Variants in BSX observed in about 807,000 individuals in gnomAD.
BSX encodes brain-specific homeobox protein homolog.
In BSX, 12 loss-of-function variants were observed where a neutral mutation model predicts 16.9. That is an observed-to-expected ratio of 0.71 (90% CI 0.46 to 1.15). The LOEUF is 1.15. Ranked by LOEUF, BSX falls within the 50% of genes most tolerant of loss-of-function variation. The probability of loss-of-function intolerance (pLI) is 0.00; values close to 1 mark genes in which losing one functional copy is unlikely to be tolerated. For synonymous variants in BSX, 160 were observed against 136.4 expected, an observed-to-expected ratio of 1.17 and a Z score of -1.20; for missense variants, 292 against 311.8, an observed-to-expected ratio of 0.94 and a Z score of 0.48.
In BSX at chr11:122,981,596, G is replaced by A. The variant is rs377550796; in HGVS notation, c.76C>T (p.Leu26=). 2 of 1,598,468 alleles carry A rather than the reference G, an allele frequency of 1.3e-6. No homozygotes were observed. The highest frequency in any genetic ancestry group is 1.7e-6 in the Non-Finnish European group (2 of 1,172,906). The change falls in exon 1 of 3, where the codon CTG becomes TTG. Residue 26 remains leucine (L), a synonymous_variant. Transcript: ENST00000343035. ...CTCAGCGGCTTGGGCTTGTGCAGCA[G>A]GATGTCCTCGATGAAGAAGGATGTG... ...RPTSFFIEDI[L]LHKPKPLREV...
At chr11:122,978,066 C>T (rs1864520369) in intron 2 of BSX, among the ~76,000 whole-genome samples, 175 bp from the exon 3 acceptor site, 1 of 152,186 alleles carries the variant, frequency 6.6e-6, no homozygotes, top group African/African-American at 2.4e-5. Flanking sequence ...CTGAGGCTTT[C>T]AGGAGTAACT....
intron 1 of BSX, among the ~76,000 whole-genome samples, chr11:122,979,872 C>G (rs1864547729): frequency 6.6e-6 from 1 of 152,092 alleles, no homozygotes; most frequent in African/African-American, 2.4e-5. Flanking sequence ...GTCCCCAGCC[C>G]CCACCTATCC....
chr11:122,981,754 G>C lies in BSX; in HGVS notation c.-83C>G, dbSNP rs979537257. On this transcript the variant is annotated 5_prime_UTR_variant, in exon 1 of 3. Transcript: ENST00000343035. The stretch of plus-strand genomic sequence containing the variant: ...GAGTCTCCAAGCCTGCTCGAAAGCC[G>C]GCAACCACCCTCCGAGGCTCGAATC... The C allele has an allele frequency of 7.3e-7, 1 of 1,378,202 alleles. No individual in the cohort carries two copies. The highest frequency in any genetic ancestry group is 1.4e-5 in the African/African-American group (1 of 69,384). 85.4% of individuals were successfully genotyped at this position (1,378,202 alleles called of 1,614,324 possible). A position where few individuals can be genotyped will look rare whatever the true frequency, so the allele number is the denominator to read the frequency against.
At chr11:122,978,707 C>T (rs1251723108) in intron 2 of BSX, among the ~76,000 whole-genome samples, 2 of 151,644 alleles carry the variant, frequency 1.3e-5, no homozygotes, top group African/African-American at 4.9e-5. Flanking sequence ...GTGTTTCCTT[C>T]CTGTCCAGAG....
At chr11:122,978,394 G>T (rs778458169) in intron 2 of BSX, among the ~76,000 whole-genome samples, 11 of 152,170 alleles carry the variant, frequency 7.2e-5, no homozygotes, top group Non-Finnish European at 1.6e-4. Context: ...CAGGTGAATA[G>T]CGCCTAGAGG....
At chr11:122,980,530 C>T (rs542183207) in intron 1 of BSX, among the ~76,000 whole-genome samples, 2 of 152,128 alleles carry the variant, frequency 1.3e-5, no homozygotes, top group Non-Finnish European at 2.9e-5. Flanking sequence ...CTCCACCGAC[C>T]ATGGTTGTTG....
rs761594912 is a variant in BSX, at chr11:122,977,768, C to T, written c.583G>A (p.Ala195Thr). 2 of 1,612,600 alleles carry T rather than the reference C, an allele frequency of 1.2e-6. No individual in the cohort carries two copies. The highest frequency in any genetic ancestry group is 1.7e-5 in the Admixed American group (1 of 59,976). The change falls in exon 3 of 3, where the codon GCC becomes ACC. Residue 195 changes from alanine (A) to threonine (T), a missense_variant. Around this residue, in one of 3 missense-constraint regions of BSX, gnomAD observed 107 missense variants for 97.1 expected, o/e 1.10. Coordinates refer to ENST00000343035, the MANE Select transcript of BSX (RefSeq NM_001098169.2). The surrounding 1 kb of genome is among the most constrained non-coding windows in gnomAD (Gnocchi z 4.5). ...PEGSPRGSEA[A>T]TAAEARLSLP... The stretch of plus-strand genomic sequence containing the variant: ...CTCAGCCGAGCCTCGGCGGCGGTGG[C>T]GGCCTCTGAACCGCGGGGGCTGCCC...
At chr11:122,978,416 C>T (rs1255609866) in intron 2 of BSX, among the ~76,000 whole-genome samples, 1 of 152,122 alleles carries the variant, frequency 6.6e-6, no homozygotes, top group African/African-American at 2.4e-5. Context: ...AGATAAAAAC[C>T]TTTCTTCCAC....
At chr11:122,978,548 C>G (rs1045892911) in intron 2 of BSX, among the ~76,000 whole-genome samples, 6 of 152,072 alleles carry the variant, frequency 3.9e-5, no homozygotes, top group Non-Finnish European at 8.8e-5. Context: ...GAAAAAATCT[C>G]CTTGTGTGGG....
In BSX at chr11:122,981,744, C is replaced by T. The variant is rs1864576214; in HGVS notation, c.-73G>A. On this transcript the variant is annotated 5_prime_UTR_variant, in exon 1 of 3. Coordinates refer to ENST00000343035, the MANE Select transcript of BSX (RefSeq NM_001098169.2). ...GACGCAGGCAGAGTCTCCAAGCCTG[C>T]TCGAAAGCCGGCAACCACCCTCCGA... is the stretch of plus-strand genomic sequence containing the variant. 3 of 1,438,982 alleles carry T rather than the reference C, an allele frequency of 2.1e-6. No individual in the cohort carries two copies. Among genetic ancestry groups the T allele is most frequent in the Admixed American group, 4.7e-5 (2 of 42,620 alleles). 89.1% of individuals were successfully genotyped at this position (1,438,982 alleles called of 1,614,324 possible). A position where few individuals can be genotyped will look rare whatever the true frequency, so the allele number is the denominator to read the frequency against.
At chr11:122,979,542 C>G in intron 1 of BSX, 85 bp from the exon 2 acceptor site, 1 of 1,225,980 alleles carries the variant, frequency 8.2e-7, no homozygotes, top group Non-Finnish European at 1.1e-6. Flanking sequence ...TCCCCTAGCC[C>G]CCAGTGCCTT....
intron 1 of BSX, among the ~76,000 whole-genome samples, chr11:122,981,124 C>T (rs1565348471): frequency 6.6e-6 from 1 of 152,174 alleles, no homozygotes; most frequent in Non-Finnish European, 1.5e-5. Flanking sequence ...TGAGCACTGC[C>T]TACCAAGAGT....
In BSX at chr11:122,979,416, C is replaced by A. The variant is rs759781325; in HGVS notation, c.304G>T (p.Glu102Ter). Reference protein sequence around the residue: ...PALFPHPQHAELPGKHCRRRK... With the variant: ...PALFPHPQHA ...CGGCGGCAGTGCTTCCCCGGCAGCTCCGCGTGCTGCGGGTGCGGGAACAGC... is the reference window on the plus strand; with the variant it reads ...CGGCGGCAGTGCTTCCCCGGCAGCTACGCGTGCTGCGGGTGCGGGAACAGC... The change falls in exon 2 of 3, where the codon GAG (glutamate) becomes TAG (stop). Residue 102 changes from glutamate (E) to a stop codon, truncating the protein, a stop_gained. Coordinates refer to ENST00000343035, the MANE Select transcript of BSX (RefSeq NM_001098169.2). LOFTEE classifies it high-confidence loss of function. The A allele has an allele frequency of 1.2e-6, 2 of 1,613,626 alleles. No individual in the cohort carries two copies. Among genetic ancestry groups the A allele is most frequent in the South Asian group, 2.2e-5 (2 of 91,052 alleles).
In BSX at chr11:122,979,291, C is replaced by G; in HGVS notation, c.429G>C (p.Leu143=). 1 of 1,613,952 alleles carries G rather than the reference C, an allele frequency of 6.2e-7. No homozygotes were observed. Among genetic ancestry groups the G allele is most frequent in the Non-Finnish European group, 8.5e-7 (1 of 1,179,870 alleles). Residue 143 remains leucine, a synonymous_variant, in exon 2 of 3, where the codon CTG becomes CTC. Transcript: ENST00000343035. ...TCTCGGACAGGCTGAGGGCCGTGGC[C>G]AGCTCCACTCGTTCTGGCGTGGACA... ...RYLSTPERVE[L]ATALSLSETQ...
At chr11:122,980,322 C>T (rs988434996) in intron 1 of BSX, among the ~76,000 whole-genome samples, 1 of 152,124 alleles carries the variant, frequency 6.6e-6, no homozygotes, top group African/African-American at 2.4e-5. Context: ...AGAAAATAAA[C>T]AAACATAACA....
chr11:122,981,644 G>A lies in BSX; in HGVS notation c.28C>T (p.His10Tyr), dbSNP rs765193214. The A allele has an allele frequency of 6.9e-6, 11 of 1,593,916 alleles. No homozygotes were observed. The South Asian group carries it at 1.3e-4, about 18-fold the overall frequency. The change falls in exon 1 of 3, where the codon CAC becomes TAC. Residue 10 changes from histidine to tyrosine, a missense_variant. Physicochemically the swap from His to Tyr is moderately conservative, Grantham distance 83. Around this residue, in one of 3 missense-constraint regions of BSX, gnomAD observed 176 missense variants for 187.2 expected, o/e 0.94. Coordinates refer to ENST00000343035, the MANE Select transcript of BSX (RefSeq NM_001098169.2). Reference sequence around the variant, plus strand: ...GTGGGCCTCTGAGAAGACGCCGGGTGTAGAGGAGAGGTGAAGTTGAGATTC... The same window carrying A: ...GTGGGCCTCTGAGAAGACGCCGGGTATAGAGGAGAGGTGAAGTTGAGATTC... MNLNFTSPL[H>Y]PASSQRPTSF...
At position 122,977,584 on chromosome 11, in the gene BSX, A is replaced by C. The variant is rs1864511143; in HGVS notation, c.*65T>G. 6.5e-7 allele frequency: 1 copy of C among 1,536,868 alleles called. No individual in the cohort carries two copies. Among genetic ancestry groups the C allele is most frequent in the Admixed American group, 2.0e-5 (1 of 48,810 alleles). ...GACTGGAGTCTGAGTCTTCCGGTCC[A>C]GGAGGGAACCGCGCTCGGCCCCGCA... is the stretch of plus-strand genomic sequence containing the variant. On this transcript the variant is annotated 3_prime_UTR_variant, in exon 3 of 3. Transcript: ENST00000343035. The surrounding 1 kb of genome is among the most constrained non-coding windows in gnomAD (Gnocchi z 4.5).
At chr11:122,979,795 A>G (rs1183275027) in intron 1 of BSX, among the ~76,000 whole-genome samples, 1 of 152,192 alleles carries the variant, frequency 6.6e-6, no homozygotes, top group Non-Finnish European at 1.5e-5. Flanking sequence ...AGGGTCGGCC[A>G]GCGCGGAGTC....
chr11:122,979,187 G>T, intron 2 of BSX, 74 bp downstream of exon 2: 1 of 1,366,866 alleles, frequency 7.3e-7, no homozygotes, highest in Non-Finnish European at 1.0e-6. Context: ...ACTCCACAAG[G>T]TCCCGAAGGT....
Sources: allele counts gnomAD v4.1 joint callset (sites outside exome capture counted in the v4.1 genomes callset), GRCh38; gene constraint gnomAD v4.1.1; regional missense constraint gnomAD v4.1.1; non-coding constraint Gnocchi (gnomAD v3.1); transcripts MANE v1.5; gene names NCBI Gene and HGNC (gene_info 2026-07-23, HGNC 2026-07-21).